Variants in THG1L observed in about 807,000 individuals in gnomAD.
THG1L encodes the protein tRNA-histidine guanylyltransferase 1 like.
In THG1L, 27 loss-of-function variants were observed where a neutral mutation model predicts 35.2. The ratio of observed to expected loss-of-function variants is 0.77; its 90% confidence interval spans 0.57 to 1.06. The LOEUF (loss-of-function observed/expected upper bound fraction) is 1.06. Ranked by LOEUF, THG1L falls within the 50% of genes least tolerant of loss-of-function variation. The pLI is 0.00. For missense variants in THG1L, 377 were observed against 371.8 expected (o/e 1.01, Z -0.12); for synonymous variants, 135 against 132.4 (o/e 1.02, Z -0.14).
chr5:157,731,609 C>G lies in THG1L; in HGVS notation c.169C>G (p.Leu57Val), dbSNP rs766407640. The change falls in exon 1 of 6, where the codon CTG becomes GTG. Residue 57 changes from leucine (L) to valine (V), a missense_variant. Leu to Val is a conservative substitution (Grantham distance 32). Transcript: ENST00000231198. ...CLAHCWVVVRLDGRNFHRFAE... is the reference protein window; with the variant it reads ...CLAHCWVVVRVDGRNFHRFAE... ...GGCACACTGCTGGGTGGTAGTGCGG[C>G]TGGACGGCCGGAATTTCCATCGGTG... 1.3e-5 allele frequency: 20 copies of G among 1,596,768 alleles called. No individual in the cohort carries two copies. In the South Asian group the frequency reaches 1.8e-4, roughly 14 times the overall value.
rs542637845 is a variant in THG1L at position 157,734,852 on chromosome 5, G to A, written c.538+107G>A. On this transcript the variant is annotated intron_variant, in intron 3 of 5. Transcript: ENST00000231198. ...ACATATACTTTGTTTCAACATATAC[G>A]TTGTACAGAATGCAGTATTTAAATA... 465 of 1,242,580 alleles carry A rather than the reference G, an allele frequency of 3.7e-4. 4 individuals carry two copies. The South Asian group carries it at 4.7e-3, about 13-fold the overall frequency. 77.0% of individuals were successfully genotyped at this position (1,242,580 alleles called of 1,614,324 possible).
chr5:157,738,786 C>T, intron 5 of THG1L: 3 of 272,882 alleles, frequency 1.1e-5, no homozygotes, highest in South Asian at 3.3e-5. Context: ...ACATGGAATC[C>T]TTTCTTTGTT....
intron 4 of THG1L, among the ~76,000 whole-genome samples, chr5:157,736,406 C>T (rs561137853): frequency 1.3e-5 from 2 of 152,038 alleles, no homozygotes; most frequent in South Asian, 2.1e-4. Context: ...CATGCCACCA[C>T]ACCCAGCTAA....
intron 2 of THG1L, among the ~76,000 whole-genome samples, chr5:157,733,808 C>T (rs78194946): frequency 0.076 from 11,579 of 151,886 alleles, 731 homozygotes; most frequent in African/African-American, 0.17. Flanking sequence ...CTCATCTCTA[C>T]AAAAAATTTA....
Position 157,731,534 on chromosome 5 carries a change from A to T in THG1L, c.94A>T (p.Lys32Ter). ...RYLRLGATMA[K>*]SKFEYVRDFE... ...CCTGAGATTGGGGGCGACCATGGCAAAAAGCAAGTTCGAGTACGTGAGGGA... is the reference window on the plus strand; with the variant it reads ...CCTGAGATTGGGGGCGACCATGGCATAAAGCAAGTTCGAGTACGTGAGGGA... The change falls in exon 1 of 6, where the codon AAA (lysine) becomes TAA (stop). Residue 32 changes from lysine (K) to a stop codon, truncating the protein, a stop_gained. Transcript: ENST00000231198. LOFTEE classifies it high-confidence loss of function. 6.2e-7 allele frequency: 1 copy of T among 1,613,004 alleles called. No individual in the cohort carries two copies.
rs1482765736 is a variant in THG1L at position 157,741,060 on chromosome 5, G to T, written c.*1578G>T. ...GTCTGTACTAAAAATAGAAAAATTA[G>T]CTGGGCGTGGTGGCGTGTGCCTGCA... On this transcript the variant is annotated 3_prime_UTR_variant, in exon 6 of 6. Coordinates refer to ENST00000231198, the MANE Select transcript of THG1L (RefSeq NM_017872.5). The T allele has an allele frequency of 6.6e-6, 1 of 152,190 alleles. No homozygotes were observed. The highest frequency in any genetic ancestry group is 1.5e-5 in the Non-Finnish European group (1 of 68,116). 9.4% of individuals were successfully genotyped at this position (152,190 alleles called of 1,614,324 possible).
At position 157,737,748 on chromosome 5, in the gene THG1L, T is replaced by G. The variant is rs190826724; in HGVS notation, c.628-139T>G. 1.5e-3 allele frequency: 942 copies of G among 622,490 alleles called. 1 individual carries two copies. The highest frequency in any genetic ancestry group is 2.3e-3 in the Non-Finnish European group (848 of 372,942). 38.6% of individuals were successfully genotyped at this position (622,490 alleles called of 1,614,324 possible). ...TCATAATTGCCCTTAAGATGAAAAT[T>G]TACTAATAACTATAAGATGTTTGAT... On this transcript the variant is annotated intron_variant, in intron 4 of 5. Transcript: ENST00000231198.
intron 4 of THG1L, among the ~76,000 whole-genome samples, chr5:157,736,588 C>A (rs1760895386): frequency 6.6e-6 from 1 of 152,202 alleles, no homozygotes; most frequent in Admixed American, 6.5e-5. Context: ...CCCACCACGC[C>A]TCTTCCCTCA....
In THG1L at chr5:157,739,620, C is replaced by T. The variant is rs1181978321; in HGVS notation, c.*138C>T. The stretch of plus-strand genomic sequence containing the variant: ...GACACAACTCAAGTTGGGAGGGGAA[C>T]AGGGAAGGAAGGGATGGATGGGGGT... On this transcript the variant is annotated 3_prime_UTR_variant, in exon 6 of 6. Transcript: ENST00000231198. The T allele has an allele frequency of 9.6e-7, 1 of 1,043,902 alleles. No homozygotes were observed. The highest frequency in any genetic ancestry group is 1.4e-6 in the Non-Finnish European group (1 of 738,356). 64.7% of individuals were successfully genotyped at this position (1,043,902 alleles called of 1,614,324 possible).
chr5:157,738,766 C>T, intron 5 of THG1L: 1 of 306,474 alleles, frequency 3.3e-6, no homozygotes, highest in Non-Finnish European at 6.3e-6. Context: ...ATAGTTATTG[C>T]TAATGAGGAA....
intron 4 of THG1L, among the ~76,000 whole-genome samples, chr5:157,736,649 G>A (rs546859779): frequency 6.6e-6 from 1 of 152,190 alleles, no homozygotes; most frequent in Non-Finnish European, 1.5e-5. Context: ...TATGACCTCT[G>A]TGTATAGGAA....
rs34744387 is a variant in THG1L, at chr5:157,732,215, CAAAAAAAA to C, written c.191+606_191+613del. Among the ~76,000 whole-genome samples the C allele has an allele frequency of 4.8e-3, 259 of 53,860 alleles. 1 individual carries two copies. The highest frequency in any genetic ancestry group is 0.011 in the Middle Eastern group (1 of 92). The allele number at this position is 53,860 out of a possible 152,430, so 35.3% of individuals were successfully genotyped here. A position where few individuals can be genotyped will look rare whatever the true frequency, so the allele number is the denominator to read the frequency against. ...TGTTGTTTGTGAAACTCCGCCACTA[CAAAAAAAA>C]AAAAAAAAAAAAAAAAAAAAAGAGA... On this transcript the variant is annotated intron_variant, in intron 1 of 5. Transcript: ENST00000231198.
chr5:157,735,240 C>G (rs1454220784), intron 3 of THG1L, among the ~76,000 whole-genome samples: 2 of 152,138 alleles, frequency 1.3e-5, no homozygotes, highest in Non-Finnish European at 2.9e-5. Context: ...GCCCAGCCGC[C>G]TTATCTCTAT....
chr5:157,736,162 G>T (rs1307037943), intron 4 of THG1L, among the ~76,000 whole-genome samples: 1 of 152,104 alleles, frequency 6.6e-6, no homozygotes, highest in Non-Finnish European at 1.5e-5. Flanking sequence ...GTGGAAAATG[G>T]AATTGACGGC....
intron 1 of THG1L, among the ~76,000 whole-genome samples, chr5:157,732,499 T>C (rs1330935835): frequency 6.6e-6 from 1 of 152,094 alleles, no homozygotes; most frequent in East Asian, 1.9e-4. Context: ...GGGAATTTAA[T>C]CTTTGAAGAG....
rs776932078 is a variant in THG1L, at chr5:157,731,426, C to G, written c.-15C>G. The G allele has an allele frequency of 6.4e-7, 1 of 1,574,762 alleles. No homozygotes were observed. Among genetic ancestry groups the G allele is most frequent in the Admixed American group, 1.8e-5 (1 of 57,114 alleles). On this transcript the variant is annotated 5_prime_UTR_variant, in exon 1 of 6. Coordinates refer to ENST00000231198, the MANE Select transcript of THG1L (RefSeq NM_017872.5). ...CGGGGCGGGGCTATCTGGCCCTTTC[C>G]TTTCCGCGTGTAGAATGTGGGGCGC... is the stretch of plus-strand genomic sequence containing the variant.
chr5:157,732,922 G>A lies in THG1L; in HGVS notation c.246G>A (p.Leu82=). The A allele has an allele frequency of 6.2e-7, 1 of 1,614,228 alleles. No homozygotes were observed. Among genetic ancestry groups the A allele is most frequent in the Non-Finnish European group, 8.5e-7 (1 of 1,180,038 alleles). Residue 82 remains leucine (L), a synonymous_variant, in exon 2 of 6, where the codon CTG becomes CTA. Transcript: ENST00000231198. ...CCAATGACAGCCGTGCTCTCCAGCT[G>A]ATGACCAAATGTGCGCAGACTGTGA... ...AKPNDSRALQ[L]MTKCAQTVME... is the part of the protein sequence containing the mutation.
chr5:157,738,822 A>AC (rs1760952700), intron 5 of THG1L: 1 of 213,994 alleles, frequency 4.7e-6, no homozygotes, highest in African/African-American at 2.7e-5. Context: ...GAATAGTATA[A>AC]CCTTTTTTTT....
intron 5 of THG1L, among the ~76,000 whole-genome samples, chr5:157,738,329 T>C (rs1417645496): frequency 6.6e-6 from 1 of 152,192 alleles, no homozygotes; most frequent in East Asian, 1.9e-4. Context: ...TAAAAAATAC[T>C]TTCACACTGG....
Sources: allele counts gnomAD v4.1 joint callset (sites outside exome capture counted in the v4.1 genomes callset), GRCh38; gene constraint gnomAD v4.1.1; transcripts MANE v1.5; gene names NCBI Gene and HGNC (gene_info 2026-07-23, HGNC 2026-07-21).